The following SH3KBP1 variants were observed in gnomAD, a reference collection of about 807,000 sequenced individuals.
The protein encoded by SH3KBP1 is SH3 domain-containing kinase-binding protein 1.
Under a neutral mutation model 50.1 loss-of-function variants are expected in SH3KBP1, and 8 were observed. That is an observed-to-expected ratio of 0.16 (90% CI 0.09 to 0.29). SH3KBP1 has a LOEUF of 0.29. SH3KBP1 is among the 10% of genes least tolerant of loss of function. SH3KBP1 has a pLI of 1.00. For synonymous variants in SH3KBP1, 227 were observed against 218.6 expected (o/e 1.04, Z -0.34); for missense variants, 377 against 535.2 (o/e 0.70, Z 2.92).
intron 8 of SH3KBP1, among the ~76,000 whole-genome samples, chrX:19,625,541 G>A (rs1179715088): frequency 9.0e-6 from 1 of 111,632 alleles, no homozygotes; most frequent in Non-Finnish European, 1.9e-5. Flanking sequence ...TTTTAGAGGT[G>A]GCAGTGGACT....
At chrX:19,839,339 A>ATT (rs1212228482) in intron 1 of SH3KBP1, among the ~76,000 whole-genome samples, 1 of 100,634 alleles carries the variant, frequency 9.9e-6, no homozygotes. Flanking sequence ...AAAAAACAAA[A>ATT]TTTTTTTTTT....
chrX:19,820,722 T>C (rs1399366374), intron 2 of SH3KBP1, among the ~76,000 whole-genome samples: 1 of 111,139 alleles, frequency 9.0e-6, no homozygotes. Flanking sequence ...ACACCTGCCA[T>C]TGTATTATTT....
chrX:19,683,718 T>C (rs2063109590), intron 6 of SH3KBP1, 105 bp downstream of exon 6: 4 of 729,150 alleles, frequency 5.5e-6, no homozygotes, highest in Non-Finnish European at 8.4e-6. Context: ...CATGAGGACA[T>C]GGAAACCCTA....
intron 1 of SH3KBP1, among the ~76,000 whole-genome samples, chrX:19,873,294 A>G (rs868600186): frequency 7.8e-4 from 77 of 98,991 alleles, no homozygotes; most frequent in Admixed American, 1.8e-3. Context: ...ATATATGTAT[A>G]TATATATATA....
chrX:19,727,902 T>C (rs916444650), intron 3 of SH3KBP1, among the ~76,000 whole-genome samples: 7 of 111,698 alleles, frequency 6.3e-5, no homozygotes, highest in Non-Finnish European at 5.7e-5. Context: ...GGAGAATCAC[T>C]TGAACCCGGT....
chrX:19,551,809 G>T (rs777759503), intron 13 of SH3KBP1, among the ~76,000 whole-genome samples: 67 of 110,833 alleles, frequency 6.0e-4, no homozygotes, highest in Non-Finnish European at 1.1e-3. Flanking sequence ...AGTCCATGTT[G>T]TCTAAAATGA....
intron 3 of SH3KBP1, among the ~76,000 whole-genome samples, chrX:19,718,444 C>T (rs1008900052): frequency 1.8e-5 from 2 of 111,470 alleles, no homozygotes; most frequent in African/African-American, 6.5e-5. Context: ...GAAGGCTATA[C>T]CCCAAAGTAA....
At chrX:19,599,592 C>G (rs1266386547) in intron 9 of SH3KBP1, among the ~76,000 whole-genome samples, 1 of 112,177 alleles carries the variant, frequency 8.9e-6, no homozygotes, top group Non-Finnish European at 1.9e-5. Flanking sequence ...CAATGCTGGC[C>G]AGGTGCCTGC....
intron 5 of SH3KBP1, among the ~76,000 whole-genome samples, chrX:19,691,002 C>T (rs1569421757): frequency 8.9e-6 from 1 of 111,952 alleles, no homozygotes; most frequent in South Asian, 3.7e-4. Flanking sequence ...TTCCTTTCCA[C>T]CTTAACATCA....
intron 7 of SH3KBP1, among the ~76,000 whole-genome samples, chrX:19,643,261 T>C (rs2061904174): frequency 9.3e-6 from 1 of 107,927 alleles, no homozygotes; most frequent in Non-Finnish European, 1.9e-5. Context: ...AATTTGCTCT[T>C]GACAACTGGA....
intron 1 of SH3KBP1, among the ~76,000 whole-genome samples, chrX:19,861,790 G>A (rs764843965): frequency 3.4e-4 from 38 of 112,196 alleles, no homozygotes; most frequent in Non-Finnish European, 4.5e-4. Flanking sequence ...TACGAGGAAT[G>A]AGAATGAGCA....
At chrX:19,755,145 G>A (rs1252424854) in intron 2 of SH3KBP1, among the ~76,000 whole-genome samples, 10 of 111,220 alleles carry the variant, frequency 9.0e-5, no homozygotes, top group African/African-American at 1.6e-4. Context: ...CCAGGCAGGC[G>A]GATCACGAGG....
intron 2 of SH3KBP1, among the ~76,000 whole-genome samples, chrX:19,756,954 C>T (rs1475712117): frequency 9.2e-6 from 1 of 109,034 alleles, no homozygotes. Context: ...ACAGAAGCCA[C>T]ACACAATAAA....
intron 8 of SH3KBP1, among the ~76,000 whole-genome samples, chrX:19,615,274 G>T (rs1242902767): frequency 8.9e-6 from 1 of 112,404 alleles, no homozygotes; most frequent in Non-Finnish European, 1.9e-5. Context: ...TACACCACTT[G>T]ATGCAAACGA....
intron 2 of SH3KBP1, among the ~76,000 whole-genome samples, chrX:19,818,063 T>C (rs977435542): frequency 8.9e-6 from 1 of 112,364 alleles, no homozygotes; most frequent in African/African-American, 3.2e-5. Flanking sequence ...TAGTAGGCTA[T>C]ATCACCTACG....
intron 2 of SH3KBP1, among the ~76,000 whole-genome samples, chrX:19,778,651 G>A (rs940617712): frequency 1.8e-5 from 2 of 109,842 alleles, no homozygotes; most frequent in African/African-American, 6.6e-5. Flanking sequence ...GTGGGAAAAC[G>A]GAATCGAAAG....
chrX:19,747,033 C>A (rs1393294343), intron 2 of SH3KBP1, among the ~76,000 whole-genome samples: 1 of 112,062 alleles, frequency 8.9e-6, no homozygotes, highest in African/African-American at 3.2e-5. Context: ...TAAAGAAAGT[C>A]TCATTAGAAC....
chrX:19,826,676 C>A (rs1318530702), intron 2 of SH3KBP1, among the ~76,000 whole-genome samples: 1 of 103,113 alleles, frequency 9.7e-6, no homozygotes, highest in Non-Finnish European at 2.0e-5. Flanking sequence ...GAAGGAGACA[C>A]TGTCTCTAAA....
intron 8 of SH3KBP1, among the ~76,000 whole-genome samples, chrX:19,614,318 G>T (rs1217505848): frequency 1.8e-5 from 2 of 112,865 alleles, no homozygotes; most frequent in East Asian, 5.6e-4. Context: ...GGCACAGAGA[G>T]GGCACGTGAG....
Sources: gnomAD v4.1 joint callset for allele counts (sites outside exome capture counted in the v4.1 genomes callset) on GRCh38, gnomAD v4.1.1 for gene constraint, MANE v1.5 for transcripts, NCBI Gene and HGNC (gene_info 2026-07-23, HGNC 2026-07-21) for gene names.